GNAL: variants seen among roughly 807,000 people sequenced by gnomAD.
The protein encoded by GNAL is G protein subunit alpha L.
GNAL carries 18 observed loss-of-function variants against 55.1 expected under a neutral mutation model. That is an observed-to-expected ratio of 0.33 (90% CI 0.23 to 0.48). The LOEUF (loss-of-function observed/expected upper bound fraction) is 0.48, where lower values mean the gene tolerates loss of function less well. Ranked by LOEUF, GNAL falls within the 20% of genes least tolerant of loss-of-function variation. The pLI, the probability that GNAL is intolerant of heterozygous loss-of-function variation, is 0.99. For missense variants in GNAL, 412 were observed against 614.1 expected (o/e 0.67, Z 3.48); for synonymous variants, 253 against 237.0 (o/e 1.07, Z -0.62).
chr18:11,694,175 G>C (rs1384045491), intron 1 of GNAL, among the ~76,000 whole-genome samples: 1 of 152,072 alleles, frequency 6.6e-6, no homozygotes, highest in Non-Finnish European at 1.5e-5. Context: ...CTCCATGCCT[G>C]CTAGTGTGAG....
intron 7 of GNAL, among the ~76,000 whole-genome samples, chr18:11,864,949 C>T (rs1312161585): frequency 6.6e-6 from 1 of 152,136 alleles, no homozygotes; most frequent in Non-Finnish European, 1.5e-5. Flanking sequence ...GTCTCCAGCC[C>T]ATCTCTTGGG....
Position 11,885,148 on chromosome 18 carries a change from G to A in GNAL, c.*4013G>A. ...TTTCATTTACTTTGAATTTGAAAAT[G>A]TTAGGGTTTCCTCCACCTTTTTATG... On this transcript the variant is annotated 3_prime_UTR_variant, in exon 12 of 12. Transcript: ENST00000334049. 4.4e-6 allele frequency: 4 copies of A among 906,166 alleles called. No homozygotes were observed. In the South Asian group the frequency reaches 7.0e-5, roughly 16 times the overall value. 56.1% of individuals were successfully genotyped at this position (906,166 alleles called of 1,614,324 possible).
intron 1 of GNAL, among the ~76,000 whole-genome samples, chr18:11,743,463 A>C (rs966670731): frequency 7.9e-5 from 12 of 152,220 alleles, no homozygotes; most frequent in African/African-American, 2.9e-4. Context: ...TGAAGAGTAG[A>C]AAAGTCAGGG....
chr18:11,883,414 T>G lies in GNAL; in HGVS notation c.*2279T>G, dbSNP rs1238064651. On this transcript the variant is annotated 3_prime_UTR_variant, in exon 12 of 12. Transcript: ENST00000334049. ...TTACCCTCTAACTAAACATCCTGTT[T>G]AAGAGTTTAATTCAAACAACAGCCA... The G allele has an allele frequency of 6.5e-6, 1 of 153,240 alleles. No individual in the cohort carries two copies. Among genetic ancestry groups the G allele is most frequent in the African/African-American group, 2.4e-5 (1 of 41,370 alleles). 9.5% of individuals were successfully genotyped at this position (153,240 alleles called of 1,614,324 possible).
In GNAL at chr18:11,881,768, T is replaced by G. The variant is rs955114067; in HGVS notation, c.*633T>G. The G allele has an allele frequency of 2.3e-4, 35 of 152,558 alleles. 1 individual carries two copies. Among genetic ancestry groups the G allele is most frequent in the African/African-American group, 8.0e-4 (33 of 41,462 alleles). The allele number at this position is 152,558 out of a possible 1,614,324, so 9.5% of individuals were successfully genotyped here. ...AAAATGTGTCCTGTCTAAAAATGAT[T>G]CTCTAAACTTTCCCTATACTTAGGC... is the stretch of plus-strand genomic sequence containing the variant. On this transcript the variant is annotated 3_prime_UTR_variant, in exon 12 of 12. Coordinates refer to ENST00000334049, the MANE Select transcript of GNAL (RefSeq NM_182978.4). This position sits in a 1 kb window ranked among gnomAD's most constrained non-coding sequence, Gnocchi z 4.8.
Position 11,885,413 on chromosome 18 carries a change from G to A in GNAL, c.*4278G>A. The A allele has an allele frequency of 2.0e-6, 1 of 489,608 alleles. No homozygotes were observed. Among genetic ancestry groups the A allele is most frequent in the Non-Finnish European group, 3.7e-6 (1 of 272,448 alleles). 30.3% of individuals were successfully genotyped at this position (489,608 alleles called of 1,614,324 possible). On this transcript the variant is annotated 3_prime_UTR_variant, in exon 12 of 12. Coordinates refer to ENST00000334049, the MANE Select transcript of GNAL (RefSeq NM_182978.4). ...AACACACACAGAGTGTAAGAGGAGA[G>A]GATACGGCCCTCCCTGAAGGATAAA... is the stretch of plus-strand genomic sequence containing the variant.
At chr18:11,792,485 T>A (rs1304994903) in intron 4 of GNAL, among the ~76,000 whole-genome samples, 1 of 152,182 alleles carries the variant, frequency 6.6e-6, no homozygotes, top group Non-Finnish European at 1.5e-5. Flanking sequence ...TGCACCCAGC[T>A]TGTCTTGTAT....
intron 5 of GNAL, among the ~76,000 whole-genome samples, chr18:11,825,653 C>T (rs971727900): frequency 7.0e-6 from 1 of 142,884 alleles, no homozygotes; most frequent in Admixed American, 7.9e-5. Flanking sequence ...ATCACTTGAA[C>T]CTGGGAGGCG....
intron 4 of GNAL, among the ~76,000 whole-genome samples, chr18:11,816,442 G>A (rs960502211): frequency 5.9e-5 from 9 of 151,856 alleles, no homozygotes; most frequent in Non-Finnish European, 1.2e-4. Context: ...GACTACAGGC[G>A]CCCGCCACCA....
chr18:11,879,919 G>A (rs1019784042), intron 11 of GNAL, among the ~76,000 whole-genome samples: 4 of 152,226 alleles, frequency 2.6e-5, no homozygotes, highest in African/African-American at 4.8e-5. Flanking sequence ...CCACCGGGCC[G>A]CTGCACCGTC....
chr18:11,721,263 C>T lies in GNAL; in HGVS notation c.376+31324C>T, dbSNP rs113371145. Among the ~76,000 whole-genome samples the T allele has an allele frequency of 3.9e-5, 6 of 152,264 alleles. No homozygotes were observed. The East Asian group carries it at 5.8e-4, about 15-fold the overall frequency. On this transcript the variant is annotated intron_variant, in intron 1 of 11. Coordinates refer to ENST00000334049, the MANE Select transcript of GNAL (RefSeq NM_182978.4). ...ACTCATGACAGATTCAAACATTGTCCGCAGAGCACTTGCTAGCGATTAGTA... is the reference window on the plus strand; with the variant it reads ...ACTCATGACAGATTCAAACATTGTCTGCAGAGCACTTGCTAGCGATTAGTA...
At chr18:11,733,202 G>C (rs1396155767) in intron 1 of GNAL, among the ~76,000 whole-genome samples, 1 of 152,358 alleles carries the variant, frequency 6.6e-6, no homozygotes, top group South Asian at 2.1e-4. Context: ...GCTGCGCCCG[G>C]GCGCGGGGAG....
chr18:11,776,707 C>CAA (rs33937288), intron 4 of GNAL, among the ~76,000 whole-genome samples: 75 of 71,234 alleles, frequency 1.1e-3, no homozygotes, highest in Non-Finnish European at 1.4e-3. Flanking sequence ...GATCCTGCCT[C>CAA]AAAAAAAAAA....
Position 11,805,151 on chromosome 18 carries a change from AATTT to A in GNAL, c.625-19766_625-19763del, listed in dbSNP as rs1408314955. On this transcript the variant is annotated intron_variant, in intron 4 of 11. Coordinates refer to ENST00000334049, the MANE Select transcript of GNAL (RefSeq NM_182978.4). Reference sequence around the variant, plus strand: ...TTGTGTAGTGGTGAAGTACAGGTGCAATTTGAGTGGAACATGGAGATACTGTGTA... The same window carrying A: ...TTGTGTAGTGGTGAAGTACAGGTGCAGAGTGGAACATGGAGATACTGTGTA... Among the ~76,000 whole-genome samples, 94 of 109,126 alleles carry A rather than the reference AATTT, an allele frequency of 8.6e-4. 7 individuals carry two copies. The highest frequency in any genetic ancestry group is 2.8e-3 in the African/African-American group (80 of 28,214). The allele number at this position is 109,126 out of a possible 152,430, so 71.6% of individuals were successfully genotyped here. A position where few individuals can be genotyped will look rare whatever the true frequency, so the allele number is the denominator to read the frequency against.
Position 11,884,981 on chromosome 18 carries a change from A to G in GNAL, c.*3846A>G. ...CCGTGGAGTTCCAGGGTCATCGGTC[A>G]GCGAGGAACAAGGAGGGAAAGGTGT... On this transcript the variant is annotated 3_prime_UTR_variant, in exon 12 of 12. Coordinates refer to ENST00000334049, the MANE Select transcript of GNAL (RefSeq NM_182978.4). 3.8e-6 allele frequency: 5 copies of G among 1,302,940 alleles called. No individual in the cohort carries two copies. Among genetic ancestry groups the G allele is most frequent in the Non-Finnish European group, 5.0e-6 (5 of 1,000,024 alleles). 80.7% of individuals were successfully genotyped at this position (1,302,940 alleles called of 1,614,324 possible). A position where few individuals can be genotyped will look rare whatever the true frequency, so the allele number is the denominator to read the frequency against.
At chr18:11,735,950 T>A (rs949986022) in intron 1 of GNAL, among the ~76,000 whole-genome samples, 3 of 152,146 alleles carry the variant, frequency 2.0e-5, no homozygotes, top group African/African-American at 7.2e-5. Flanking sequence ...GCCCTCCCCC[T>A]GTTCATATAC....
At chr18:11,712,843 A>G (rs927397196) in intron 1 of GNAL, among the ~76,000 whole-genome samples, 4 of 152,152 alleles carry the variant, frequency 2.6e-5, no homozygotes, top group Non-Finnish European at 4.4e-5. Context: ...CCTTTCACAG[A>G]CTACATTCCC....
At chr18:11,784,576 T>C (rs1423906410) in intron 4 of GNAL, among the ~76,000 whole-genome samples, 1 of 152,272 alleles carries the variant, frequency 6.6e-6, no homozygotes, top group Non-Finnish European at 1.5e-5. Context: ...ATAATTTTGT[T>C]CTTTTCATTT....
chr18:11,871,635 C>A (rs960964210), intron 9 of GNAL, among the ~76,000 whole-genome samples: 1 of 152,198 alleles, frequency 6.6e-6, no homozygotes, highest in Admixed American at 6.5e-5. Context: ...GAAGAAGAAC[C>A]AAGCCAGCTG....
Sources: allele counts gnomAD v4.1 joint callset (sites outside exome capture counted in the v4.1 genomes callset), GRCh38; gene constraint gnomAD v4.1.1; non-coding constraint Gnocchi (gnomAD v3.1); transcripts MANE v1.5; gene names NCBI Gene and HGNC (gene_info 2026-07-23, HGNC 2026-07-21).